Variants in OPHN1 observed in about 807,000 individuals in gnomAD.
OPHN1 encodes oligophrenin 1.
In OPHN1, 11 loss-of-function variants were observed where a neutral mutation model predicts 60.7. The ratio of observed to expected loss-of-function variants is 0.18; its 90% confidence interval spans 0.11 to 0.30. The LOEUF (loss-of-function observed/expected upper bound fraction) is 0.30. Ranked by LOEUF, OPHN1 falls within the 10% of genes least tolerant of loss-of-function variation. The pLI is 1.00. For synonymous variants in OPHN1, 226 were observed against 222.6 expected (o/e 1.02, Z -0.14); for missense variants, 449 against 611.0 (o/e 0.73, Z 2.80).
chrX:68,125,834 G>A (rs910976726), intron 15 of OPHN1, among the ~76,000 whole-genome samples: 21 of 99,857 alleles, frequency 2.1e-4, no homozygotes, highest in Non-Finnish European at 3.6e-4. Flanking sequence ...CTCACTCTAC[G>A]AGGCCAATAT....
intron 2 of OPHN1, among the ~76,000 whole-genome samples, chrX:68,409,922 C>T (rs190429962): frequency 8.2e-4 from 91 of 111,315 alleles, no homozygotes; most frequent in African/African-American, 2.9e-3. Flanking sequence ...TAGAGAAATT[C>T]GGACTTCCAG....
chrX:68,121,090 C>A (rs1297357704), intron 15 of OPHN1, among the ~76,000 whole-genome samples: 6 of 112,214 alleles, frequency 5.3e-5, no homozygotes, highest in African/African-American at 1.9e-4. Flanking sequence ...GCAATGATTT[C>A]TTGGATCAGA....
intron 24 of OPHN1, among the ~76,000 whole-genome samples, chrX:68,047,643 T>C (rs1390185208): frequency 9.0e-6 from 1 of 111,333 alleles, no homozygotes; most frequent in Non-Finnish European, 1.9e-5. Flanking sequence ...TTGGATCTCA[T>C]TTATGTGTGT....
intron 2 of OPHN1, among the ~76,000 whole-genome samples, chrX:68,405,768 T>C (rs1382718178): frequency 1.8e-5 from 2 of 112,044 alleles, no homozygotes; most frequent in African/African-American, 6.5e-5. Context: ...TTAACCTCTA[T>C]TTTATGCACT....
intron 5 of OPHN1, among the ~76,000 whole-genome samples, chrX:68,269,309 G>C (rs1247728004): frequency 9.0e-6 from 1 of 111,468 alleles, no homozygotes; most frequent in Non-Finnish European, 1.9e-5. Flanking sequence ...AACAAAGCTG[G>C]AGGCATCATG....
At chrX:68,217,071 G>GCACCGTGC (rs2077613984) in intron 6 of OPHN1, among the ~76,000 whole-genome samples, 3 of 111,399 alleles carry the variant, frequency 2.7e-5, no homozygotes, top group Admixed American at 9.5e-5. Context: ...GTGGGTGCGC[G>GCACCGTGC]CACCGTGCGC....
chrX:68,073,556 TC>T (rs1178409439), intron 19 of OPHN1, among the ~76,000 whole-genome samples: 1 of 112,057 alleles, frequency 8.9e-6, no homozygotes, highest in Non-Finnish European at 1.9e-5. Flanking sequence ...ATGGCATTAG[TC>T]CTGGATTTTC....
intron 10 of OPHN1, among the ~76,000 whole-genome samples, chrX:68,206,012 T>TGTGTC (rs2077558011): frequency 2.2e-5 from 1 of 45,262 alleles, no homozygotes; most frequent in Non-Finnish European, 5.4e-5. Flanking sequence ...GTGTGTGTGT[T>TGTGTC]TGTAAAAGAT....
intron 5 of OPHN1, among the ~76,000 whole-genome samples, chrX:68,247,040 A>T (rs2077809540): frequency 9.0e-6 from 1 of 111,594 alleles, no homozygotes; most frequent in Non-Finnish European, 1.9e-5. Flanking sequence ...TGAGATGGCA[A>T]CGCGTACTTT....
intron 20 of OPHN1, chrX:68,070,810 T>G: frequency 8.6e-7 from 1 of 1,167,430 alleles, no homozygotes; most frequent in African/African-American, 1.8e-5. Flanking sequence ...AGCATACTTC[T>G]TGCTGCTTTC....
intron 11 of OPHN1, among the ~76,000 whole-genome samples, chrX:68,197,841 C>A (rs1278864630): frequency 1.8e-5 from 2 of 111,330 alleles, no homozygotes; most frequent in Non-Finnish European, 3.8e-5. Flanking sequence ...TACTAGGTGA[C>A]AAATTTTGTT....
intron 2 of OPHN1, among the ~76,000 whole-genome samples, chrX:68,411,240 T>C (rs185687335): frequency 8.9e-6 from 1 of 112,138 alleles, no homozygotes; most frequent in East Asian, 2.8e-4. Context: ...GATTATTTTG[T>C]CACCCACGTA....
intron 21 of OPHN1, 74 bp from the exon 22 acceptor site, chrX:68,053,884 A>G: frequency 9.2e-7 from 1 of 1,083,802 alleles, no homozygotes; most frequent in Non-Finnish European, 1.3e-6. Context: ...GGCACCCAAT[A>G]TGAGAGTTAC....
At chrX:68,359,855 C>CAAAA (rs1186524030) in intron 2 of OPHN1, among the ~76,000 whole-genome samples, 1 of 19,223 alleles carries the variant, frequency 5.2e-5, no homozygotes, top group Non-Finnish European at 1.2e-4. Flanking sequence ...GACTCCGTCT[C>CAAAA]AAAAAAAAAA....
At chrX:68,170,940 A>C (rs2077388164) in intron 15 of OPHN1, among the ~76,000 whole-genome samples, 1 of 110,653 alleles carries the variant, frequency 9.0e-6, no homozygotes, top group African/African-American at 3.3e-5. Flanking sequence ...AATAATAATA[A>C]AATAAAATAA....
At chrX:68,166,651 T>C (rs1354185616) in intron 15 of OPHN1, among the ~76,000 whole-genome samples, 1 of 112,020 alleles carries the variant, frequency 8.9e-6, no homozygotes, top group Non-Finnish European at 1.9e-5. Flanking sequence ...TACACAGCTA[T>C]AGTAACCAAA....
chrX:68,161,728 C>T (rs186026809), intron 15 of OPHN1, among the ~76,000 whole-genome samples: 1 of 110,772 alleles, frequency 9.0e-6, no homozygotes, highest in East Asian at 2.8e-4. Context: ...ACTTTATATA[C>T]CTACCTAGAG....
At chrX:68,247,755 CAAA>C (rs61255783) in intron 5 of OPHN1, among the ~76,000 whole-genome samples, 1 of 51,186 alleles carries the variant, frequency 2.0e-5, no homozygotes, top group African/African-American at 5.7e-5. Context: ...CCAGTCTCTA[CAAA>C]AAAAAAAAAA....
chrX:68,064,789 A>T (rs997855466), intron 20 of OPHN1, among the ~76,000 whole-genome samples: 3 of 111,976 alleles, frequency 2.7e-5, no homozygotes, highest in Non-Finnish European at 5.6e-5. Context: ...ACACAAATAT[A>T]GCAAAAATTT....
Sources: gnomAD v4.1 joint callset for allele counts (sites outside exome capture counted in the v4.1 genomes callset) on GRCh38, gnomAD v4.1.1 for gene constraint, MANE v1.5 for transcripts, NCBI Gene and HGNC (gene_info 2026-07-23, HGNC 2026-07-21) for gene names.